Variants in GRID2 observed in about 807,000 individuals in gnomAD.
The protein encoded by GRID2 is glutamate ionotropic receptor delta type subunit 2.
A neutral mutation model predicts 114.8 loss-of-function variants in GRID2; 33 were observed. The ratio of observed to expected loss-of-function variants is 0.29; its 90% confidence interval spans 0.22 to 0.38. The LOEUF is 0.38. Ranked by LOEUF, GRID2 falls within the 10% of genes least tolerant of loss-of-function variation. The pLI is 1.00. For missense variants in GRID2, 1,184 were observed against 1,257.7 expected, an observed-to-expected ratio of 0.94 and a Z score of 0.89; for synonymous variants, 505 against 449.9, an observed-to-expected ratio of 1.12 and a Z score of -1.55.
chr4:93,475,698 C>T (rs1242440105), intron 11 of GRID2, among the ~76,000 whole-genome samples: 1 of 152,060 alleles, frequency 6.6e-6, no homozygotes, highest in East Asian at 1.9e-4. Flanking sequence ...CACTTTGATT[C>T]CTGTTGACAA....
intron 2 of GRID2, among the ~76,000 whole-genome samples, chr4:93,046,827 AT>A (rs1207417888): frequency 6.6e-6 from 1 of 151,922 alleles, no homozygotes; most frequent in East Asian, 1.9e-4. Context: ...CATAAGAAAT[AT>A]ATGCCCATAC....
chr4:93,708,658 T>G (rs1240991664), intron 14 of GRID2, among the ~76,000 whole-genome samples: 1 of 152,018 alleles, frequency 6.6e-6, no homozygotes, highest in Non-Finnish European at 1.5e-5. Context: ...TTTAGTCCAT[T>G]TACATTCAAT....
At chr4:93,564,927 T>A (rs1257622361) in intron 13 of GRID2, among the ~76,000 whole-genome samples, 1 of 152,108 alleles carries the variant, frequency 6.6e-6, no homozygotes, top group African/African-American at 2.4e-5. Context: ...CCCACAAAAA[T>A]ACTTGTCAAA....
At chr4:93,444,056 T>C (rs181339590) in intron 10 of GRID2, among the ~76,000 whole-genome samples, 2 of 152,120 alleles carry the variant, frequency 1.3e-5, no homozygotes, top group East Asian at 3.9e-4. Flanking sequence ...ACAGATATTA[T>C]GGGATAAGTC....
chr4:92,999,490 G>T (rs984691189), intron 2 of GRID2, among the ~76,000 whole-genome samples: 2 of 151,670 alleles, frequency 1.3e-5, no homozygotes, highest in Admixed American at 6.6e-5. Context: ...GACTATCAAG[G>T]TTAGTGTGGG....
chr4:93,577,044 C>A (rs1173597428), intron 13 of GRID2, among the ~76,000 whole-genome samples: 1 of 152,054 alleles, frequency 6.6e-6, no homozygotes, highest in Non-Finnish European at 1.5e-5. Flanking sequence ...TTATACAAAT[C>A]AAAAAATCAT....
At chr4:92,552,696 C>T (rs1359040767) in intron 1 of GRID2, among the ~76,000 whole-genome samples, 1 of 152,094 alleles carries the variant, frequency 6.6e-6, no homozygotes, top group Admixed American at 6.6e-5. Context: ...TATGTCTTAG[C>T]AAATAGGGAG....
chr4:93,492,128 G>A (rs1727067928), intron 12 of GRID2, among the ~76,000 whole-genome samples: 1 of 151,658 alleles, frequency 6.6e-6, no homozygotes, highest in South Asian at 2.1e-4. Flanking sequence ...GACCCCATAA[G>A]CATCATACTT....
intron 13 of GRID2, among the ~76,000 whole-genome samples, chr4:93,555,314 A>G (rs1430671029): frequency 6.6e-6 from 1 of 152,172 alleles, no homozygotes; most frequent in Non-Finnish European, 1.5e-5. Flanking sequence ...GGTCTAGCTC[A>G]GTGGATCCCA....
At chr4:93,294,973 G>A (rs1270591485) in intron 8 of GRID2, among the ~76,000 whole-genome samples, 1 of 152,134 alleles carries the variant, frequency 6.6e-6, no homozygotes, top group African/African-American at 2.4e-5. Context: ...GAGAAGTAAA[G>A]TATGGTTTCA....
intron 8 of GRID2, among the ~76,000 whole-genome samples, chr4:93,275,423 G>T (rs930269403): frequency 1.5e-3 from 130 of 88,038 alleles, no homozygotes; most frequent in Non-Finnish European, 2.2e-3. Flanking sequence ...ATTTCTGTTG[G>T]ATATATACAT....
chr4:92,829,335 A>G (rs1361414533), intron 2 of GRID2, among the ~76,000 whole-genome samples: 1 of 152,140 alleles, frequency 6.6e-6, no homozygotes, highest in Non-Finnish European at 1.5e-5. Flanking sequence ...CATATGCAAA[A>G]AAGGTCATCA....
intron 13 of GRID2, among the ~76,000 whole-genome samples, chr4:93,563,355 C>T (rs548347775): frequency 6.6e-6 from 1 of 152,060 alleles, no homozygotes; most frequent in African/African-American, 2.4e-5. Context: ...CTCACTTAAA[C>T]ATGTTTCTTT....
At chr4:93,325,454 A>T (rs1302760072) in intron 8 of GRID2, among the ~76,000 whole-genome samples, 1 of 151,994 alleles carries the variant, frequency 6.6e-6, no homozygotes, top group Non-Finnish European at 1.5e-5. Flanking sequence ...TTCTAGCTGT[A>T]CATCTCTTAA....
rs1228512157 is a variant in GRID2, at chr4:92,410,128, T to C, written c.88+105384T>C. ...ATCCTTCACATGCCATTAAACTTTTTGGGTTTCGGAGGACACCCAACATGA... is the reference window on the plus strand; with the variant it reads ...ATCCTTCACATGCCATTAAACTTTTCGGGTTTCGGAGGACACCCAACATGA... On this transcript the variant is annotated intron_variant, in intron 1 of 15. Coordinates refer to ENST00000282020, the MANE Select transcript of GRID2 (RefSeq NM_001510.4). 2.0e-5 allele frequency among the ~76,000 whole-genome samples: 3 copies of C among 152,212 alleles called. No individual in the cohort carries two copies. The East Asian group carries it at 5.8e-4, about 29-fold the overall frequency.
intron 2 of GRID2, among the ~76,000 whole-genome samples, chr4:92,983,848 T>C (rs1219493738): frequency 1.3e-5 from 2 of 152,160 alleles, no homozygotes; most frequent in African/African-American, 4.8e-5. Flanking sequence ...ACTCTGTATA[T>C]GTTTATTTTA....
At chr4:93,699,216 G>A (rs1389609208) in intron 14 of GRID2, among the ~76,000 whole-genome samples, 1 of 152,086 alleles carries the variant, frequency 6.6e-6, no homozygotes, top group African/African-American at 2.4e-5. Context: ...GGTGAAAGAA[G>A]AAGAAGCTAA....
intron 2 of GRID2, among the ~76,000 whole-genome samples, chr4:92,592,277 A>G (rs796638906): frequency 2.0e-5 from 3 of 152,178 alleles, no homozygotes; most frequent in African/African-American, 7.2e-5. Context: ...ATAATTGTGA[A>G]TTAACTTCAA....
At chr4:93,427,364 C>A (rs1033238633) in intron 10 of GRID2, among the ~76,000 whole-genome samples, 8 of 151,934 alleles carry the variant, frequency 5.3e-5, no homozygotes, top group African/African-American at 1.4e-4. Context: ...TGATAATATA[C>A]ATACTTTTGT....
Sources: gnomAD v4.1 joint callset for allele counts (sites outside exome capture counted in the v4.1 genomes callset) on GRCh38, gnomAD v4.1.1 for gene constraint, MANE v1.5 for transcripts, NCBI Gene and HGNC (gene_info 2026-07-23, HGNC 2026-07-21) for gene names.